The following RASA1 variants were observed in gnomAD, a reference collection of about 807,000 sequenced individuals.
The protein encoded by RASA1 is ras GTPase-activating protein 1.
Under a neutral mutation model 132.2 loss-of-function variants are expected in RASA1, and 25 were observed. That is an observed-to-expected ratio of 0.19 (90% CI 0.14 to 0.26). RASA1 has a LOEUF of 0.26. Among genes scored for constraint, RASA1 ranks in the 10% least tolerant of loss-of-function variants. The pLI, the probability that RASA1 is intolerant of heterozygous loss-of-function variation, is 1.00. For missense variants in RASA1, 964 were observed against 1,299.2 expected (o/e 0.74, Z 3.97); for synonymous variants, 477 against 449.9 (o/e 1.06, Z -0.76).
At chr5:87,363,706 G>C (rs1760288464) in intron 11 of RASA1, among the ~76,000 whole-genome samples, 1 of 151,878 alleles carries the variant, frequency 6.6e-6, no homozygotes, top group Admixed American at 6.6e-5. Flanking sequence ...GAAATCTTTG[G>C]CATGACATTT....
intron 15 of RASA1, 87 bp downstream of exon 15, chr5:87,375,003 TAAAA>T (rs916770003): frequency 1.4e-5 from 20 of 1,479,142 alleles, no homozygotes; most frequent in Non-Finnish European, 1.7e-5. Flanking sequence ...AAATAGAAAT[TAAAA>T]AAACAGAAAT....
At chr5:87,277,308 C>T (rs1474035749) in intron 1 of RASA1, among the ~76,000 whole-genome samples, 1 of 152,086 alleles carries the variant, frequency 6.6e-6, no homozygotes, top group African/African-American at 2.4e-5. Flanking sequence ...TTAATAGTTC[C>T]CCCCTGTCCC....
chr5:87,347,773 C>T (rs2112417483), intron 7 of RASA1, among the ~76,000 whole-genome samples: 3 of 152,030 alleles, frequency 2.0e-5, no homozygotes, highest in African/African-American at 7.2e-5. Flanking sequence ...AAATTTTAAA[C>T]TAAAATGACA....
rs1229149856 is a variant in RASA1 at position 87,285,710 on chromosome 5, C to T, written c.539+16720C>T. 2.6e-5 allele frequency among the ~76,000 whole-genome samples: 4 copies of T among 151,092 alleles called. No individual in the cohort carries two copies. In the East Asian group the frequency reaches 7.8e-4, roughly 30 times the overall value. On this transcript the variant is annotated intron_variant, in intron 1 of 24. Transcript: ENST00000274376. ...TTGGCTCACTGCAACCCTTCACCTC[C>T]CAGGTTCAAGCGATTCTTCTGTCTC... is the stretch of plus-strand genomic sequence containing the variant.
At chr5:87,374,977 C>G in intron 15 of RASA1, 61 bp downstream of exon 15, 1 of 1,541,292 alleles carries the variant, frequency 6.5e-7, no homozygotes, top group Non-Finnish European at 8.7e-7. Context: ...TTTCAAAATT[C>G]ACAATGAAAG....
intron 18 of RASA1, among the ~76,000 whole-genome samples, chr5:87,379,340 T>C (rs1179155098): frequency 6.6e-6 from 1 of 152,164 alleles, no homozygotes; most frequent in Admixed American, 6.5e-5. Context: ...CATAGATAAA[T>C]GTACTCTGCT....
At chr5:87,313,147 G>A (rs1004923331) in intron 1 of RASA1, among the ~76,000 whole-genome samples, 1 of 152,188 alleles carries the variant, frequency 6.6e-6, no homozygotes. Context: ...GTGTTTAAGT[G>A]AGGAAACTCA....
intron 1 of RASA1, among the ~76,000 whole-genome samples, chr5:87,322,923 AGTG>A: frequency 6.6e-6 from 1 of 152,298 alleles, no homozygotes; most frequent in African/African-American, 2.4e-5. Context: ...GAAGTGTGAG[AGTG>A]TCTGTGTGTT....
chr5:87,334,125 A>T lies in RASA1; in HGVS notation c.899+788A>T, dbSNP rs147308305. 5.9e-5 allele frequency among the ~76,000 whole-genome samples: 9 copies of T among 152,280 alleles called. No homozygotes were observed. In the East Asian group the frequency reaches 1.7e-3, roughly 29 times the overall value. The stretch of plus-strand genomic sequence containing the variant: ...ATTTTTTTACGGAGAATAGGTTTAC[A>T]CAATGATAGATGGAGACAGTAAAGA... On this transcript the variant is annotated intron_variant, in intron 4 of 24. Transcript: ENST00000274376.
intron 20 of RASA1, 78 bp downstream of exon 20, chr5:87,380,673 C>T: frequency 7.9e-7 from 1 of 1,262,734 alleles, no homozygotes; most frequent in Admixed American, 1.7e-5. Flanking sequence ...TAACAATATA[C>T]AATTCAATGC....
At chr5:87,376,800 A>T in intron 16 of RASA1, 81 bp from the exon 17 acceptor site, 6 of 1,405,296 alleles carry the variant, frequency 4.3e-6, no homozygotes, top group Non-Finnish European at 6.0e-6. Context: ...GAACTTGTGA[A>T]AGAACATATT....
intron 23 of RASA1, among the ~76,000 whole-genome samples, chr5:87,388,024 C>T (rs1226837773): frequency 6.6e-6 from 1 of 152,200 alleles, no homozygotes; most frequent in Non-Finnish European, 1.5e-5. Context: ...AGACCCACCT[C>T]AATTATTATC....
At chr5:87,373,725 T>C (rs1580379246) in intron 13 of RASA1, among the ~76,000 whole-genome samples, 1 of 152,168 alleles carries the variant, frequency 6.6e-6, no homozygotes, top group Non-Finnish European at 1.5e-5. Context: ...GTTTTAAAAA[T>C]TTTTAGCTGT....
chr5:87,311,267 G>T (rs188101040), intron 1 of RASA1, among the ~76,000 whole-genome samples: 1 of 152,236 alleles, frequency 6.6e-6, no homozygotes, highest in East Asian at 1.9e-4. Flanking sequence ...GAAAAAAACT[G>T]GCAGTATCTG....
intron 21 of RASA1, among the ~76,000 whole-genome samples, chr5:87,384,386 T>C (rs1350250988): frequency 2.0e-5 from 3 of 152,172 alleles, no homozygotes; most frequent in African/African-American, 7.2e-5. Flanking sequence ...TTTGTGACTT[T>C]GAATGTAATA....
At chr5:87,378,373 T>C (rs1273425276) in intron 17 of RASA1, 23 bp from the exon 18 acceptor site, 1 of 1,610,564 alleles carries the variant, frequency 6.2e-7, no homozygotes, top group African/African-American at 1.3e-5. Flanking sequence ...ACAAATAATC[T>C]TCTAATGTAA....
At chr5:87,290,706 C>T (rs1001565844) in intron 1 of RASA1, among the ~76,000 whole-genome samples, 25 of 152,286 alleles carry the variant, frequency 1.6e-4, no homozygotes, top group African/African-American at 5.8e-4. Context: ...CATAGTTTTA[C>T]CTTCTCCAGG....
At chr5:87,287,458 A>C (rs959950851) in intron 1 of RASA1, among the ~76,000 whole-genome samples, 1 of 146,052 alleles carries the variant, frequency 6.8e-6, no homozygotes, top group African/African-American at 2.5e-5. Flanking sequence ...TATATATACC[A>C]TATATATACA....
chr5:87,275,717 C>G (rs893989524), intron 1 of RASA1, among the ~76,000 whole-genome samples: 2 of 152,168 alleles, frequency 1.3e-5, no homozygotes, highest in South Asian at 4.1e-4. Flanking sequence ...ATTACAGGTG[C>G]GTGCCACCAC....
Sources: gnomAD v4.1 joint callset for allele counts (sites outside exome capture counted in the v4.1 genomes callset) on GRCh38, gnomAD v4.1.1 for gene constraint, MANE v1.5 for transcripts, NCBI Gene and HGNC (gene_info 2026-07-23, HGNC 2026-07-21) for gene names.